Variants in TIAM1 observed in about 807,000 individuals in gnomAD.
TIAM1 encodes TIAM Rac1 associated GEF 1, also known as rho guanine nucleotide exchange factor TIAM1.
TIAM1 carries 65 observed loss-of-function variants against 163.5 expected under a neutral mutation model. The ratio of observed to expected loss-of-function variants is 0.40; its 90% CI spans 0.33 to 0.49. The LOEUF (loss-of-function observed/expected upper bound fraction) is 0.49, where lower values mean the gene tolerates loss of function less well. Ranked by LOEUF, TIAM1 falls within the 20% of genes least tolerant of loss-of-function variation. The pLI is 0.77. For missense variants in TIAM1, 1,789 were observed against 2,044.7 expected, an observed-to-expected ratio of 0.87 and a Z score of 2.41; for synonymous variants, 833 against 810.1, an observed-to-expected ratio of 1.03 and a Z score of -0.48.
At chr21:31,239,575 T>C (rs73353345) in intron 6 of TIAM1, among the ~76,000 whole-genome samples, 3,941 of 152,110 alleles carry the variant, frequency 0.026, 191 homozygotes, top group African/African-American at 0.09. Context: ...CTGCAACAAA[T>C]GACACCATTA....
At chr21:31,369,800 C>T (rs771239814) in intron 2 of TIAM1, among the ~76,000 whole-genome samples, 2 of 152,052 alleles carry the variant, frequency 1.3e-5, no homozygotes, top group Non-Finnish European at 2.9e-5. Flanking sequence ...CCAGCCTGAT[C>T]AACATGGTGA....
At chr21:31,198,765 A>G (rs2086019329) in intron 12 of TIAM1, among the ~76,000 whole-genome samples, 1 of 152,174 alleles carries the variant, frequency 6.6e-6, no homozygotes, top group Admixed American at 6.5e-5. Flanking sequence ...CTATATTTTC[A>G]TAATACTACT....
chr21:31,222,757 A>G (rs7275990), intron 8 of TIAM1, among the ~76,000 whole-genome samples: 15,834 of 114,746 alleles, frequency 0.14, 3,155 homozygotes, highest in African/African-American at 0.45. Context: ...TCACTTTGTC[A>G]CCCAGGCTGG....
chr21:31,237,597 T>C (rs779976574), intron 6 of TIAM1, among the ~76,000 whole-genome samples: 1 of 152,228 alleles, frequency 6.6e-6, no homozygotes, highest in Non-Finnish European at 1.5e-5. Context: ...AGTCTTTTAA[T>C]ATGCATACAA....
intron 2 of TIAM1, among the ~76,000 whole-genome samples, chr21:31,364,196 C>A (rs185709802): frequency 6.6e-6 from 1 of 152,196 alleles, no homozygotes; most frequent in Non-Finnish European, 1.5e-5. Context: ...TAGTATCCCC[C>A]GTTCCTAAAG....
rs533239802 is a variant in TIAM1, at chr21:31,154,399, G to C, written c.3019C>G (p.Arg1007Gly). 14 of 1,614,002 alleles carry C rather than the reference G, an allele frequency of 8.7e-6. No homozygotes were observed. The East Asian group carries it at 2.7e-4, about 31-fold the overall frequency. The change falls in exon 17 of 28, where the codon CGC becomes GGC. Residue 1007 changes from arginine (R) to glycine (G), a missense_variant. Arg to Gly is a moderately radical substitution (Grantham distance 125). Around this residue, in one of 5 missense-constraint regions of TIAM1, gnomAD observed 303 missense variants for 321.3 expected, o/e 0.94. Coordinates refer to ENST00000541036, the MANE Select transcript of TIAM1 (RefSeq NM_001353694.2). ...GAGGGGTTCATCTCATGCAAACTGC[G>C]GCAAAATGCGGCCACCTGTTCTGTA... Reference protein sequence around the residue: ...KSTEQVAAFCRSLHEMNPSDQ... With the variant: ...KSTEQVAAFCGSLHEMNPSDQ...
chr21:31,372,561 A>G (rs1438763515), intron 2 of TIAM1, among the ~76,000 whole-genome samples: 1 of 152,174 alleles, frequency 6.6e-6, no homozygotes, highest in African/African-American at 2.4e-5. Flanking sequence ...AAACTGAGAC[A>G]GTGGCCACAG....
At chr21:31,339,749 A>AG (rs1239851238) in intron 1 of TIAM1, among the ~76,000 whole-genome samples, 1 of 152,174 alleles carries the variant, frequency 6.6e-6, no homozygotes, top group Non-Finnish European at 1.5e-5. Context: ...TCAGTACAAG[A>AG]GCTCACAAAT....
intron 1 of TIAM1, among the ~76,000 whole-genome samples, chr21:31,526,701 GTTGTTTGT>G (rs754783107): frequency 6.6e-6 from 1 of 151,658 alleles, no homozygotes; most frequent in Non-Finnish European, 1.5e-5. Flanking sequence ...CTCTTTTTTT[GTTGTTTGT>G]TTGTTTGTTT....
intron 1 of TIAM1, among the ~76,000 whole-genome samples, chr21:31,479,418 T>TGGAC (rs1459962918): frequency 1.3e-5 from 2 of 149,932 alleles, no homozygotes; most frequent in African/African-American, 2.5e-5. Context: ...GGCGGGCGGA[T>TGGAC]GGACGGACGG....
intron 4 of TIAM1, 98 bp downstream of exon 4, chr21:31,265,912 A>G: frequency 2.7e-6 from 4 of 1,506,244 alleles, no homozygotes; most frequent in Non-Finnish European, 3.6e-6. Context: ...ACAGGGTAAA[A>G]CCCGATTAAA....
intron 2 of TIAM1, among the ~76,000 whole-genome samples, chr21:31,428,001 C>T (rs569352452): frequency 6.6e-6 from 1 of 152,318 alleles, no homozygotes; most frequent in Non-Finnish European, 1.5e-5. Flanking sequence ...GTGGCTCATG[C>T]CTGTAATCCC....
chr21:31,544,735 C>A (rs1474314294), intron 1 of TIAM1, among the ~76,000 whole-genome samples: 1 of 152,086 alleles, frequency 6.6e-6, no homozygotes, highest in Non-Finnish European at 1.5e-5. Flanking sequence ...AAATCCTGGC[C>A]AGGCACGGTG....
chr21:31,443,000 C>T (rs538633635), intron 2 of TIAM1, among the ~76,000 whole-genome samples: 7 of 152,298 alleles, frequency 4.6e-5, no homozygotes, highest in South Asian at 4.1e-4. Context: ...AATTGCAATG[C>T]GGCTCCTATG....
chr21:31,551,998 G>A (rs543286559), intron 1 of TIAM1, among the ~76,000 whole-genome samples: 84 of 149,962 alleles, frequency 5.6e-4, no homozygotes, highest in African/African-American at 1.9e-3. Flanking sequence ...CAAGAGAAGC[G>A]CATCTGTTCT....
At chr21:31,525,187 T>G (rs987934410) in intron 1 of TIAM1, among the ~76,000 whole-genome samples, 1 of 151,900 alleles carries the variant, frequency 6.6e-6, no homozygotes, top group African/African-American at 2.4e-5. Context: ...CTGGCCAACA[T>G]GGTGACACCT....
intron 2 of TIAM1, among the ~76,000 whole-genome samples, chr21:31,296,534 A>G (rs1253704059): frequency 6.6e-6 from 1 of 152,204 alleles, no homozygotes; most frequent in Non-Finnish European, 1.5e-5. Flanking sequence ...TCCACAAGAG[A>G]AAAAGATAAT....
intron 1 of TIAM1, among the ~76,000 whole-genome samples, chr21:31,558,495 G>A (rs1334632289): frequency 3.3e-5 from 5 of 152,066 alleles, no homozygotes; most frequent in African/African-American, 1.2e-4. Flanking sequence ...CGCAAACATA[G>A]ACACAAGGAT....
rs1325420672 is a variant in TIAM1, at chr21:31,298,217, T to G, written c.-188-21309A>C. 3.3e-5 allele frequency among the ~76,000 whole-genome samples: 5 copies of G among 152,270 alleles called. No individual in the cohort carries two copies. The East Asian group carries it at 9.7e-4, about 29-fold the overall frequency. The stretch of plus-strand genomic sequence containing the variant: ...CCCTGCCTTCCAATAACTATGCATA[T>G]TTCTGTAGAAATACAGGAATGTTAC... On this transcript the variant is annotated intron_variant, in intron 2 of 27. Coordinates refer to ENST00000541036, the MANE Select transcript of TIAM1 (RefSeq NM_001353694.2).
Sources: allele counts gnomAD v4.1 joint callset (sites outside exome capture counted in the v4.1 genomes callset), GRCh38; gene constraint gnomAD v4.1.1; regional missense constraint gnomAD v4.1.1; transcripts MANE v1.5; gene names NCBI Gene and HGNC (gene_info 2026-07-23, HGNC 2026-07-21).